Variants in ADAM12 observed in about 807,000 individuals in gnomAD.
ADAM12 encodes disintegrin and metalloproteinase domain-containing protein 12.
ADAM12 carries 70 observed loss-of-function variants against 106.4 expected under a neutral mutation model. The ratio of observed to expected loss-of-function variants is 0.66; its 90% CI spans 0.54 to 0.80. ADAM12 has a LOEUF of 0.80. Ranked by LOEUF, ADAM12 falls within the 30% of genes least tolerant of loss-of-function variation. The pLI, the probability that ADAM12 is intolerant of heterozygous loss-of-function variation, is 0.00. For missense variants in ADAM12, 1,010 were observed against 1,171.9 expected, an observed-to-expected ratio of 0.86 and a Z score of 2.02; for synonymous variants, 420 against 433.5, an observed-to-expected ratio of 0.97 and a Z score of 0.39.
chr10:126,351,622 T>C (rs1480760420), intron 1 of ADAM12, among the ~76,000 whole-genome samples: 1 of 152,074 alleles, frequency 6.6e-6, no homozygotes, highest in Non-Finnish European at 1.5e-5. Context: ...ATCAACATGC[T>C]GAATAGATGT....
At chr10:126,143,723 C>T (rs1956571361) in intron 4 of ADAM12, among the ~76,000 whole-genome samples, 1 of 151,626 alleles carries the variant, frequency 6.6e-6, no homozygotes, top group Admixed American at 6.6e-5. Context: ...TGTGGGTATG[C>T]ATGTGTATAT....
At chr10:126,045,486 G>T (rs763242409) in intron 17 of ADAM12, among the ~76,000 whole-genome samples, 2 of 152,164 alleles carry the variant, frequency 1.3e-5, no homozygotes, top group African/African-American at 4.8e-5. Flanking sequence ...TGAACCTCTG[G>T]TGTGGTTAAT....
chr10:126,147,016 A>G (rs1167717746), intron 4 of ADAM12, among the ~76,000 whole-genome samples: 1 of 152,194 alleles, frequency 6.6e-6, no homozygotes, highest in Non-Finnish European at 1.5e-5. Flanking sequence ...AGAAGATACT[A>G]TCCCTTTCTG....
chr10:126,102,130 A>C (rs1336977668), intron 8 of ADAM12, among the ~76,000 whole-genome samples: 1 of 152,136 alleles, frequency 6.6e-6, no homozygotes, highest in Admixed American at 6.5e-5. Flanking sequence ...AGGAGTTCAG[A>C]GGGCCAGGAT....
intron 3 of ADAM12, among the ~76,000 whole-genome samples, chr10:126,183,737 A>G (rs1045777450): frequency 1.3e-5 from 2 of 152,234 alleles, no homozygotes; most frequent in Admixed American, 6.5e-5. Context: ...GTACAACCAC[A>G]GGAGCCTGTG....
intron 1 of ADAM12, among the ~76,000 whole-genome samples, chr10:126,336,031 C>T (rs1854687766): frequency 6.6e-6 from 1 of 152,166 alleles, no homozygotes; most frequent in South Asian, 2.1e-4. Context: ...GACAGGACAA[C>T]TAAATGTAAT....
intron 4 of ADAM12, chr10:126,145,643 G>A (rs1310024920): frequency 6.6e-6 from 1 of 152,226 alleles, no homozygotes; most frequent in African/African-American, 2.4e-5. Flanking sequence ...CTGTGGGTGT[G>A]GCCGAGTTAT....
intron 3 of ADAM12, among the ~76,000 whole-genome samples, chr10:126,210,748 G>C (rs1031685139): frequency 6.6e-6 from 1 of 152,186 alleles, no homozygotes; most frequent in African/African-American, 2.4e-5. Flanking sequence ...GGAGGAGACA[G>C]AGCAGGAGAG....
intron 1 of ADAM12, among the ~76,000 whole-genome samples, chr10:126,358,952 G>A (rs780285358): frequency 2.0e-5 from 3 of 152,142 alleles, no homozygotes; most frequent in Non-Finnish European, 2.9e-5. Flanking sequence ...AAAAGAAAGC[G>A]GTTTAATTGT....
At chr10:126,357,808 A>G (rs1030877040) in intron 1 of ADAM12, among the ~76,000 whole-genome samples, 3 of 152,156 alleles carry the variant, frequency 2.0e-5, no homozygotes, top group African/African-American at 7.2e-5. Flanking sequence ...ACCTCCCACC[A>G]GGTCCCTCCC....
chr10:126,377,093 A>C (rs965625003), intron 1 of ADAM12, among the ~76,000 whole-genome samples: 2 of 152,202 alleles, frequency 1.3e-5, no homozygotes, highest in African/African-American at 4.8e-5. Context: ...AACCTAGGAA[A>C]GTCTGGGCAC....
chr10:126,311,553 A>G (rs1412050704), intron 2 of ADAM12, among the ~76,000 whole-genome samples: 1 of 152,162 alleles, frequency 6.6e-6, no homozygotes. Context: ...GCTGGTCACC[A>G]GAAAGACTGA....
At chr10:126,128,677 G>A (rs991560125) in intron 5 of ADAM12, among the ~76,000 whole-genome samples, 5 of 144,810 alleles carry the variant, frequency 3.5e-5, no homozygotes, top group Admixed American at 2.7e-4. Context: ...GCGCCTGTGC[G>A]AGTGTGTGGT....
chr10:126,124,035 A>C (rs903777832), intron 5 of ADAM12, among the ~76,000 whole-genome samples: 3 of 152,062 alleles, frequency 2.0e-5, no homozygotes, highest in African/African-American at 7.2e-5. Context: ...TTAGTTTTTA[A>C]TCTCCAAAGC....
intron 5 of ADAM12, among the ~76,000 whole-genome samples, chr10:126,124,613 C>A (rs1956169198): frequency 6.6e-6 from 1 of 151,942 alleles, no homozygotes; most frequent in Non-Finnish European, 1.5e-5. Context: ...TTACCAAGGG[C>A]TGGGCATGGT....
chr10:126,265,427 G>A (rs1959079259), intron 3 of ADAM12, among the ~76,000 whole-genome samples: 1 of 152,190 alleles, frequency 6.6e-6, no homozygotes, highest in African/African-American at 2.4e-5. Context: ...ACTGAACCTG[G>A]TGGGTGAAGT....
intron 3 of ADAM12, among the ~76,000 whole-genome samples, chr10:126,190,885 G>C (rs1957486639): frequency 6.6e-6 from 1 of 152,026 alleles, no homozygotes; most frequent in Non-Finnish European, 1.5e-5. Flanking sequence ...GCAGCAGGTG[G>C]GAGGCACAAG....
chr10:126,106,267 C>A (rs1024136114), intron 8 of ADAM12, among the ~76,000 whole-genome samples: 1 of 152,236 alleles, frequency 6.6e-6, no homozygotes, highest in East Asian at 1.9e-4. Context: ...AAATGAATAA[C>A]CTCTGCCCAT....
At chr10:126,321,687 G>A (rs1261006932) in intron 2 of ADAM12, among the ~76,000 whole-genome samples, 1 of 152,186 alleles carries the variant, frequency 6.6e-6, no homozygotes, top group Non-Finnish European at 1.5e-5. Context: ...GGGAGGGAGA[G>A]AGCGCTGGCG....
Sources: allele counts gnomAD v4.1 joint callset (sites outside exome capture counted in the v4.1 genomes callset), GRCh38; gene constraint gnomAD v4.1.1; transcripts MANE v1.5; gene names NCBI Gene and HGNC (gene_info 2026-07-23, HGNC 2026-07-21).